The following MYT1L variants were observed in gnomAD, a reference collection of about 807,000 sequenced individuals.
The protein encoded by MYT1L is myelin transcription factor 1-like protein.
Under a neutral mutation model 126.7 loss-of-function variants are expected in MYT1L, and 12 were observed. The ratio of observed to expected loss-of-function variants is 0.09; its 90% CI spans 0.06 to 0.15. MYT1L has a LOEUF of 0.15. Ranked by LOEUF, MYT1L falls within the 10% of genes least tolerant of loss-of-function variation. MYT1L has a pLI of 1.00. For missense variants in MYT1L, 979 were observed against 1,585.2 expected, an observed-to-expected ratio of 0.62 and a Z score of 6.49; for synonymous variants, 541 against 604.2, an observed-to-expected ratio of 0.90 and a Z score of 1.53.
At chr2:2,109,246 C>T (rs2079094114) in intron 3 of MYT1L, among the ~76,000 whole-genome samples, 1 of 152,158 alleles carries the variant, frequency 6.6e-6, no homozygotes, top group Admixed American at 6.5e-5. Context: ...GGAATGTTTG[C>T]TACAGAAGAA....
At chr2:1,967,346 G>A (rs2059444784) in intron 8 of MYT1L, among the ~76,000 whole-genome samples, 2 of 152,136 alleles carry the variant, frequency 1.3e-5, no homozygotes, top group African/African-American at 2.4e-5. Flanking sequence ...TGCGTCCCTG[G>A]GGCAGTACCC....
intron 4 of MYT1L, among the ~76,000 whole-genome samples, chr2:2,017,018 A>G (rs909419071): frequency 6.6e-6 from 1 of 152,260 alleles, no homozygotes; most frequent in African/African-American, 2.4e-5. Context: ...CCAAAGGCCT[A>G]TCGACAGCTG....
chr2:1,849,647 C>G (rs2042959028), intron 19 of MYT1L, among the ~76,000 whole-genome samples: 1 of 152,252 alleles, frequency 6.6e-6, no homozygotes, highest in Non-Finnish European at 1.5e-5. Context: ...CGGCAAACAG[C>G]CATCTGCCCC....
rs559550839 is a variant in MYT1L, at chr2:2,321,036, A to G, written c.-521+9931T>C. 2.0e-5 allele frequency among the ~76,000 whole-genome samples: 3 copies of G among 152,328 alleles called. No homozygotes were observed. In the East Asian group the frequency reaches 5.8e-4, roughly 29 times the overall value. On this transcript the variant is annotated intron_variant, in intron 1 of 24. Transcript: ENST00000647738. ...AAATGCCATGCTGGCATGAGGTATG[A>G]AGGGAGTAGGCTTGGAATATATTTT...
intron 18 of MYT1L, 99 bp downstream of exon 18, chr2:1,886,440 T>C: frequency 2.2e-6 from 2 of 907,950 alleles, no homozygotes; most frequent in Non-Finnish European, 3.2e-6. Context: ...GGCCATGTTT[T>C]TTAACAGACA....
At chr2:2,231,034 T>C (rs1026128936) in intron 2 of MYT1L, among the ~76,000 whole-genome samples, 1 of 151,706 alleles carries the variant, frequency 6.6e-6, no homozygotes, top group Non-Finnish European at 1.5e-5. Context: ...ACTCAGGGCA[T>C]AGCAAAGGTG....
intron 21 of MYT1L, among the ~76,000 whole-genome samples, chr2:1,819,244 T>G (rs144119132): frequency 6.6e-6 from 1 of 152,222 alleles, no homozygotes; most frequent in Non-Finnish European, 1.5e-5. Context: ...GCCACTTCCA[T>G]AGGTCATCAA....
At chr2:2,303,041 C>T (rs1349688478) in intron 1 of MYT1L, among the ~76,000 whole-genome samples, 1 of 151,900 alleles carries the variant, frequency 6.6e-6, no homozygotes, top group Non-Finnish European at 1.5e-5. Context: ...CAATCAGGCT[C>T]CATTTTTAAT....
At chr2:1,916,567 A>T (rs1351163828) in intron 11 of MYT1L, among the ~76,000 whole-genome samples, 1 of 152,244 alleles carries the variant, frequency 6.6e-6, no homozygotes, top group Non-Finnish European at 1.5e-5. Context: ...AATTCTAAAA[A>T]AATTTAGCTA....
At chr2:2,125,309 C>A (rs73911402) in intron 3 of MYT1L, among the ~76,000 whole-genome samples, 3 of 152,114 alleles carry the variant, frequency 2.0e-5, no homozygotes, top group Non-Finnish European at 4.4e-5. Context: ...TATTATGCCA[C>A]AAAGATGAGC....
At position 2,132,020 on chromosome 2, in the gene MYT1L, C is replaced by G. The variant is rs1575391433; in HGVS notation, c.-304+40852G>C. ...AACTCGCTGGTTCAAGTGATTCTCC[C>G]ACCTCAGCCTCCGGAGTAGCTGGGA... On this transcript the variant is annotated intron_variant, in intron 3 of 24. Coordinates refer to ENST00000647738, the MANE Select transcript of MYT1L (RefSeq NM_001303052.2). Among the ~76,000 whole-genome samples, 3 of 151,290 alleles carry G rather than the reference C, an allele frequency of 2.0e-5. No individual in the cohort carries two copies. The Middle Eastern group carries it at 0.01, about 515-fold the overall frequency.
At chr2:2,199,078 A>G (rs1236468786) in intron 2 of MYT1L, among the ~76,000 whole-genome samples, 1 of 152,130 alleles carries the variant, frequency 6.6e-6, no homozygotes, top group Non-Finnish European at 1.5e-5. Context: ...AAAGAATCAG[A>G]GGCTTTTTAG....
At chr2:2,323,171 G>T (rs2096199607) in intron 1 of MYT1L, among the ~76,000 whole-genome samples, 2 of 152,052 alleles carry the variant, frequency 1.3e-5, no homozygotes, top group African/African-American at 2.4e-5. Context: ...TGTGTTTGAG[G>T]TTTAGATTCA....
At chr2:1,809,256 A>G (rs2036203901) in intron 21 of MYT1L, 89 bp from the exon 22 acceptor site, 2 of 1,263,480 alleles carry the variant, frequency 1.6e-6, no homozygotes, top group East Asian at 2.3e-5. Flanking sequence ...GTAGAATAGC[A>G]TTATTAGGTT....
chr2:2,159,635 A>AG (rs1198288299), intron 3 of MYT1L, among the ~76,000 whole-genome samples: 3 of 151,988 alleles, frequency 2.0e-5, no homozygotes, highest in African/African-American at 7.2e-5. Flanking sequence ...TGCCTTAGCG[A>AG]GGGGGCGTGG....
At chr2:1,856,277 G>A (rs1185805545) in intron 18 of MYT1L, among the ~76,000 whole-genome samples, 1 of 152,090 alleles carries the variant, frequency 6.6e-6, no homozygotes, top group African/African-American at 2.4e-5. Context: ...TGTGCTCCTG[G>A]CCTTGTCTTT....
intron 3 of MYT1L, among the ~76,000 whole-genome samples, chr2:2,055,254 A>G (rs891192775): frequency 3.3e-5 from 5 of 152,216 alleles, no homozygotes; most frequent in Admixed American, 1.3e-4. Flanking sequence ...TTCATAGCTT[A>G]TATCATCAGC....
chr2:2,068,769 G>GTTTGTTTTTTTTTTT (rs2074210117), intron 3 of MYT1L, among the ~76,000 whole-genome samples: 6 of 26,194 alleles, frequency 2.3e-4, no homozygotes, highest in African/African-American at 5.5e-4. Flanking sequence ...TGTTCTTCTT[G>GTTTGTTTTTTTTTTT]TTTTTTTTTT....
intron 14 of MYT1L, among the ~76,000 whole-genome samples, chr2:1,902,574 G>A (rs550688796): frequency 5.1e-4 from 78 of 152,304 alleles, no homozygotes; most frequent in African/African-American, 1.9e-3. Flanking sequence ...TTGGTCATGA[G>A]GGCAGGTTGG....
Sources: gnomAD v4.1 joint callset for allele counts (sites outside exome capture counted in the v4.1 genomes callset) on GRCh38, gnomAD v4.1.1 for gene constraint, MANE v1.5 for transcripts, NCBI Gene and HGNC (gene_info 2026-07-23, HGNC 2026-07-21) for gene names.